The following GP1BB variants were observed in gnomAD, a reference collection of about 807,000 sequenced individuals.
GP1BB encodes the protein platelet glycoprotein Ib beta chain.
A neutral mutation model predicts 2.5 loss-of-function variants in GP1BB; 3 were observed. The ratio of observed to expected loss-of-function variants is 1.22; its 90% CI spans 0.56 to 3.15. The LOEUF (loss-of-function observed/expected upper bound fraction) is 3.15, where lower values mean the gene tolerates loss of function less well. Among genes scored for constraint, GP1BB ranks in the 30% most tolerant of loss-of-function variants. The probability of loss-of-function intolerance (pLI) is 0.03; values close to 1 mark genes in which losing one functional copy is unlikely to be tolerated. For synonymous variants in GP1BB, 191 were observed against 167.5 expected, an observed-to-expected ratio of 1.14 and a Z score of -1.08; for missense variants, 316 against 307.0, an observed-to-expected ratio of 1.03 and a Z score of -0.22.
Position 19,724,689 on chromosome 22 carries a change from G to C in GP1BB, c.*225G>C. 1.7e-6 allele frequency: 1 copy of C among 587,464 alleles called. No individual in the cohort carries two copies. Among genetic ancestry groups the C allele is most frequent in the Non-Finnish European group, 3.1e-6 (1 of 324,112 alleles). The allele number at this position is 587,464 out of a possible 1,614,324, so 36.4% of individuals were successfully genotyped here. A position where few individuals can be genotyped will look rare whatever the true frequency, so the allele number is the denominator to read the frequency against. ...GGCGAACCCGCACTTCCAGGCTTGG[G>C]AGGACCATGGGGCACAATGCGGTCC... is the stretch of plus-strand genomic sequence containing the variant. On this transcript the variant is annotated 3_prime_UTR_variant, in exon 2 of 2. Transcript: ENST00000366425.
chr22:19,723,547 A>G lies in GP1BB; in HGVS notation c.-23A>G. The G allele has an allele frequency of 6.3e-7, 1 of 1,589,906 alleles. No homozygotes were observed. The highest frequency in any genetic ancestry group is 1.7e-5 in the Admixed American group (1 of 59,020). On this transcript the variant is annotated 5_prime_UTR_variant, in exon 1 of 2. Transcript: ENST00000366425. ...CGCCTACGCCTCCCGCTGCAGAGTA[A>G]GCCGGGCTGCCGTCTTCTCGCCATG...
At position 19,724,520 on chromosome 22, in the gene GP1BB, A is replaced by G; in HGVS notation, c.*56A>G. ...CCGGCGCTGGGCAACACGGGCCTGCAAACTCGACAGGACCCTGCCCGAGGG... is the reference window on the plus strand; with the variant it reads ...CCGGCGCTGGGCAACACGGGCCTGCGAACTCGACAGGACCCTGCCCGAGGG... On this transcript the variant is annotated 3_prime_UTR_variant, in exon 2 of 2. Coordinates refer to ENST00000366425, the MANE Select transcript of GP1BB (RefSeq NM_000407.5). 1.6e-6 allele frequency: 2 copies of G among 1,215,846 alleles called. No homozygotes were observed. Among genetic ancestry groups the G allele is most frequent in the Non-Finnish European group, 2.4e-6 (2 of 844,534 alleles). 75.3% of individuals were successfully genotyped at this position (1,215,846 alleles called of 1,614,324 possible).
Position 19,724,390 on chromosome 22 carries a change from C to G in GP1BB, c.547C>G (p.Arg183Gly). Residue 183 changes from arginine (R) to glycine (G), a missense_variant, in exon 2 of 2, where the codon CGC becomes GGC. Transcript: ENST00000366425. ...CRLRRLRARA[R>G]ARAAARLSLT... ...CCTGCGGAGGCTGCGGGCCCGGGCC[C>G]GCGCTCGCGCCGCAGCCCGGCTGTC... The G allele has an allele frequency of 6.5e-7, 1 of 1,534,978 alleles. No individual in the cohort carries two copies. Among genetic ancestry groups the G allele is most frequent in the South Asian group, 1.2e-5 (1 of 83,154 alleles).
Position 19,724,427 on chromosome 22 carries a change from C to A in GP1BB, c.584C>A (p.Pro195Gln). ...RAAARLSLTD[P>Q]LVAERAGTDE... is the part of the protein sequence containing the mutation. ...GCAGCCCGGCTGTCGCTGACCGACC[C>A]GCTGGTGGCCGAGCGAGCCGGAACC... The change falls in exon 2 of 2, where the codon CCG becomes CAG. Residue 195 changes from proline to glutamine, a missense_variant. Pro to Gln is a moderately conservative substitution (Grantham distance 76). Transcript: ENST00000366425. 6.5e-7 allele frequency: 1 copy of A among 1,544,444 alleles called. No individual in the cohort carries two copies. Among genetic ancestry groups the A allele is most frequent in the Non-Finnish European group, 8.7e-7 (1 of 1,144,508 alleles).
chr22:19,723,816 C>T, intron 1 of GP1BB, 38 bp from the exon 2 acceptor site: 1 of 1,505,310 alleles, frequency 6.6e-7, no homozygotes, highest in Non-Finnish European at 8.9e-7. Context: ...CCCAGGTGCC[C>T]GCCGACCGCT....
Position 19,724,658 on chromosome 22 carries a change from G to A in GP1BB, c.*194G>A, listed in dbSNP as rs2145797159. The A allele has an allele frequency of 1.6e-6, 1 of 607,354 alleles. No individual in the cohort carries two copies. The highest frequency in any genetic ancestry group is 3.0e-6 in the Non-Finnish European group (1 of 333,894). The allele number at this position is 607,354 out of a possible 1,614,324, so 37.6% of individuals were successfully genotyped here. On this transcript the variant is annotated 3_prime_UTR_variant, in exon 2 of 2. Transcript: ENST00000366425. ...ACAGAACTCCTGCCCACCCTACCCC[G>A]AGGGAGGCGAACCCGCACTTCCAGG...
rs121909752 is a variant in GP1BB, at chr22:19,723,980, G to C, written c.137G>C (p.Trp46Ser). ...LVDCGRRGLT[W>S]ASLPTAFPVD... ...GACTGCGGGCGCCGCGGGCTGACTT[G>C]GGCCTCGCTGCCGACCGCCTTCCCT... Residue 46 changes from tryptophan (W) to serine (S), a missense_variant, in exon 2 of 2, where the codon TGG (tryptophan) becomes TCG (serine). Physicochemically the swap from Trp to Ser is radical, Grantham distance 177. Coordinates refer to ENST00000366425, the MANE Select transcript of GP1BB (RefSeq NM_000407.5). The C allele has an allele frequency of 7.8e-6, 12 of 1,532,362 alleles. No homozygotes were observed. In the Middle Eastern group the frequency reaches 5.5e-4, roughly 70 times the overall value. 94.9% of individuals were successfully genotyped at this position (1,532,362 alleles called of 1,614,324 possible). A position where few individuals can be genotyped will look rare whatever the true frequency, so the allele number is the denominator to read the frequency against.
In GP1BB at chr22:19,723,705, G is replaced by A. The variant is rs148651410; in HGVS notation, c.10+126G>A. The A allele has an allele frequency of 8.6e-4, 1,152 of 1,336,872 alleles. 14 individuals carry two copies. In the East Asian group the frequency reaches 0.023, roughly 27 times the overall value. 82.8% of individuals were successfully genotyped at this position (1,336,872 alleles called of 1,614,324 possible). A position where few individuals can be genotyped will look rare whatever the true frequency, so the allele number is the denominator to read the frequency against. On this transcript the variant is annotated intron_variant, in intron 1 of 1. Coordinates refer to ENST00000366425, the MANE Select transcript of GP1BB (RefSeq NM_000407.5). ...GACTTAGAGGGGACTTCCAGCCGGC[G>A]TGCGGGGTGGTCAGGGTGGAGAGGC...
chr22:19,724,156 G>A lies in GP1BB; in HGVS notation c.313G>A (p.Ala105Thr), dbSNP rs747055479. The part of the protein sequence containing the change: ...CRLVPLRAWL[A>T]GRPERAPYRD... ...CCTTGTGCCGCTGCGCGCCTGGCTGGCCGGCCGCCCCGAGCGTGCGCCCTA... is the reference window on the plus strand; with the variant it reads ...CCTTGTGCCGCTGCGCGCCTGGCTGACCGGCCGCCCCGAGCGTGCGCCCTA... Residue 105 changes from alanine to threonine, a missense_variant, in exon 2 of 2, where the codon GCC becomes ACC. Ala to Thr is a moderately conservative substitution (Grantham distance 58). Transcript: ENST00000366425. 6.5e-5 allele frequency: 86 copies of A among 1,318,638 alleles called. 1 individual carries two copies. The South Asian group carries it at 9.2e-4, about 14-fold the overall frequency. 81.7% of individuals were successfully genotyped at this position (1,318,638 alleles called of 1,614,324 possible). A position where few individuals can be genotyped will look rare whatever the true frequency, so the allele number is the denominator to read the frequency against.
In GP1BB at chr22:19,723,991, C is replaced by A. The variant is rs768534974; in HGVS notation, c.148C>A (p.Pro50Thr). ...CCGCGGGCTGACTTGGGCCTCGCTG[C>A]CGACCGCCTTCCCTGTCGACACAAC... Reference protein sequence around the residue: ...GRRGLTWASLPTAFPVDTTEL... With the variant: ...GRRGLTWASLTTAFPVDTTEL... Residue 50 changes from proline to threonine, a missense_variant, in exon 2 of 2, where the codon CCG becomes ACG. By Grantham distance (38) the Pro-to-Thr change is conservative. Transcript: ENST00000366425. The A allele has an allele frequency of 1.8e-5, 28 of 1,535,088 alleles. No homozygotes were observed. In the South Asian group the frequency reaches 3.4e-4, roughly 18 times the overall value.
At chr22:19,723,824 GCTC>G in intron 1 of GP1BB, 27 bp from the exon 2 acceptor site, 1 of 1,514,010 alleles carries the variant, frequency 6.6e-7, no homozygotes, top group Non-Finnish European at 8.8e-7. Flanking sequence ...CCCGCCGACC[GCTC>G]GGCTTACTGC....
intron 1 of GP1BB, 115 bp from the exon 2 acceptor site, chr22:19,723,739 T>C (rs1273098838): frequency 8.4e-6 from 11 of 1,316,150 alleles, no homozygotes; most frequent in Non-Finnish European, 1.1e-5. Flanking sequence ...GCTGGCGGGC[T>C]ACCGGGACGC....
rs369772543 is a variant in GP1BB at position 19,723,593 on chromosome 22, C to A, written c.10+14C>A. The A allele has an allele frequency of 1.4e-4, 223 of 1,596,014 alleles. 1 individual carries two copies. In the African/African-American group the frequency reaches 2.7e-3, roughly 19 times the overall value. ...CCATGGGCTCCGGTGAGTCTGGAGT[C>A]CGGTCGGGCCCCCGGCTGCTCCCTA... is the stretch of plus-strand genomic sequence containing the variant. On this transcript the variant is annotated intron_variant, in intron 1 of 1. Coordinates refer to ENST00000366425, the MANE Select transcript of GP1BB (RefSeq NM_000407.5).
rs1379030612 is a variant in GP1BB, at chr22:19,724,526, G to A, written c.*62G>A. 1 of 1,166,282 alleles carries A rather than the reference G, an allele frequency of 8.6e-7. No homozygotes were observed. Among genetic ancestry groups the A allele is most frequent in the South Asian group, 1.3e-5 (1 of 76,534 alleles). 72.2% of individuals were successfully genotyped at this position (1,166,282 alleles called of 1,614,324 possible). A position where few individuals can be genotyped will look rare whatever the true frequency, so the allele number is the denominator to read the frequency against. On this transcript the variant is annotated 3_prime_UTR_variant, in exon 2 of 2. Transcript: ENST00000366425. ...CTGGGCAACACGGGCCTGCAAACTC[G>A]ACAGGACCCTGCCCGAGGGGCCCTC...
chr22:19,723,749 C>T, intron 1 of GP1BB, 105 bp from the exon 2 acceptor site: 1 of 1,333,000 alleles, frequency 7.5e-7, no homozygotes, highest in Non-Finnish European at 1.0e-6. Context: ...TACCGGGACG[C>T]CGGGCATCAG....
chr22:19,724,050 G>A lies in GP1BB; in HGVS notation c.207G>A (p.Ala69=). 2.0e-6 allele frequency: 3 copies of A among 1,513,704 alleles called. No homozygotes were observed. Among genetic ancestry groups the A allele is most frequent in the Middle Eastern group, 3.7e-4 (2 of 5,360 alleles). 93.8% of individuals were successfully genotyped at this position (1,513,704 alleles called of 1,614,324 possible). A position where few individuals can be genotyped will look rare whatever the true frequency, so the allele number is the denominator to read the frequency against. The change falls in exon 2 of 2, where the codon GCG becomes GCA. Residue 69 remains alanine, a synonymous_variant. Transcript: ENST00000366425. Reference sequence around the variant, plus strand: ...TGCTGACCGGCAACAACCTGACGGCGCTGCCGCCGGGGCTGCTGGACGCGC... The same window carrying A: ...TGCTGACCGGCAACAACCTGACGGCACTGCCGCCGGGGCTGCTGGACGCGC... ...ELVLTGNNLT[A]LPPGLLDALP...
chr22:19,723,598 CG>C lies in GP1BB; in HGVS notation c.10+22del, dbSNP rs761908658. ...GGCTCCGGTGAGTCTGGAGTCCGGT[CG>C]GGCCCCCGGCTGCTCCCTAGGCCGA... On this transcript the variant is annotated intron_variant, in intron 1 of 1. Coordinates refer to ENST00000366425, the MANE Select transcript of GP1BB (RefSeq NM_000407.5). The C allele has an allele frequency of 1.3e-6, 2 of 1,594,628 alleles. No homozygotes were observed. Among genetic ancestry groups the C allele is most frequent in the South Asian group, 1.1e-5 (1 of 89,230 alleles).
intron 1 of GP1BB, 104 bp downstream of exon 1, chr22:19,723,683 T>A: frequency 7.1e-7 from 1 of 1,405,966 alleles, no homozygotes; most frequent in Middle Eastern, 1.8e-4. Flanking sequence ...TGGGTCAGAC[T>A]TAGAGGGGAC....
chr22:19,723,540 C>G lies in GP1BB; in HGVS notation c.-30C>G. On this transcript the variant is annotated 5_prime_UTR_variant, in exon 1 of 2. Coordinates refer to ENST00000366425, the MANE Select transcript of GP1BB (RefSeq NM_000407.5). ...GCTCTCCCGCCTACGCCTCCCGCTG[C>G]AGAGTAAGCCGGGCTGCCGTCTTCT... The G allele has an allele frequency of 6.3e-7, 1 of 1,585,496 alleles. No individual in the cohort carries two copies. Among genetic ancestry groups the G allele is most frequent in the Non-Finnish European group, 8.5e-7 (1 of 1,171,004 alleles).
Sources: gnomAD v4.1 joint callset for allele counts on GRCh38, gnomAD v4.1.1 for gene constraint, MANE v1.5 for transcripts, NCBI Gene and HGNC (gene_info 2026-07-23, HGNC 2026-07-21) for gene names.